KDM3B: variants seen among roughly 807,000 people sequenced by gnomAD.
KDM3B encodes lysine demethylase 3B.
Under a neutral mutation model 170.0 loss-of-function variants are expected in KDM3B, and 10 were observed. That is an observed-to-expected ratio of 0.06 (90% CI 0.04 to 0.10). The LOEUF (loss-of-function observed/expected upper bound fraction) is 0.10. Among genes scored for constraint, KDM3B ranks in the 10% least tolerant of loss-of-function variants. The pLI, the probability that KDM3B is intolerant of heterozygous loss-of-function variation, is 1.00. For missense variants in KDM3B, 1,394 were observed against 2,195.2 expected (o/e 0.64, Z 7.29); for synonymous variants, 831 against 834.8 (o/e 1.00, Z 0.08).
chr5:138,354,320 G>GGAA (rs1002110278), intron 1 of KDM3B, among the ~76,000 whole-genome samples: 4 of 152,138 alleles, frequency 2.6e-5, no homozygotes, highest in Non-Finnish European at 4.4e-5. Context: ...TTAAGGGGAT[G>GGAA]GAATGATGAT....
At position 138,424,269 on chromosome 5, in the gene KDM3B, G is replaced by C; in HGVS notation, c.4167G>C (p.Arg1389Ser). 1 of 1,614,094 alleles carries C rather than the reference G, an allele frequency of 6.2e-7. No individual in the cohort carries two copies. Among genetic ancestry groups the C allele is most frequent in the Non-Finnish European group, 8.5e-7 (1 of 1,179,962 alleles). The stretch of plus-strand genomic sequence containing the variant: ...CTCACTCCTGGCTTTGTGATGGGAG[G>C]CTTCTGTGTCTCCATGACCCCAGCA... ...HTSHSWLCDG[R>S]LLCLHDPSNK... Residue 1389 changes from arginine (R) to serine (S), a missense_variant, in exon 16 of 24, where the codon AGG (arginine) becomes AGC (serine). Around this residue, in one of 19 missense-constraint regions of KDM3B, gnomAD observed 66 missense variants for 178.8 expected, o/e 0.37. Coordinates refer to ENST00000314358, the MANE Select transcript of KDM3B (RefSeq NM_016604.4).
At chr5:138,387,159 G>A (rs1221803032) in intron 7 of KDM3B, among the ~76,000 whole-genome samples, 2 of 152,100 alleles carry the variant, frequency 1.3e-5, no homozygotes, top group Non-Finnish European at 2.9e-5. Flanking sequence ...CTGAAAATTT[G>A]ATGGATTTCA....
chr5:138,386,451 A>C lies in KDM3B; in HGVS notation c.1210A>C (p.Lys404Gln). ...CCCAGAGGTGGGTGGAGCCGAAAAC[A>C]AAGAGGCAGGAAAAACACTGGAACA... Reference protein sequence around the residue: ...LAPEVGGAENKEAGKTLEQVG... With the variant: ...LAPEVGGAENQEAGKTLEQVG... The change falls in exon 7 of 24, where the codon AAA (lysine) becomes CAA (glutamine). Residue 404 changes from lysine (K) to glutamine (Q), a missense_variant. Physicochemically the swap from Lys to Gln is moderately conservative, Grantham distance 53 (BLOSUM62 1). This residue lies in a region of KDM3B where 205 missense variants were observed against 227.6 expected (regional missense o/e 0.90). Coordinates refer to ENST00000314358, the MANE Select transcript of KDM3B (RefSeq NM_016604.4). 6.2e-7 allele frequency: 1 copy of C among 1,614,160 alleles called. No homozygotes were observed. Among genetic ancestry groups the C allele is most frequent in the Non-Finnish European group, 8.5e-7 (1 of 1,180,024 alleles).
chr5:138,434,504 C>T (rs1003954472), intron 23 of KDM3B, among the ~76,000 whole-genome samples: 14 of 150,742 alleles, frequency 9.3e-5, no homozygotes, highest in African/African-American at 2.4e-4. Flanking sequence ...GCTGAGATGG[C>T]GCCACTGCAC....
At chr5:138,357,917 C>T (rs1174163472) in intron 1 of KDM3B, among the ~76,000 whole-genome samples, 1 of 150,976 alleles carries the variant, frequency 6.6e-6, no homozygotes, top group East Asian at 2.0e-4. Context: ...GAACTCCTGA[C>T]CTCAGGTGAT....
At chr5:138,366,140 A>G (rs1761740630) in intron 1 of KDM3B, among the ~76,000 whole-genome samples, 1 of 151,958 alleles carries the variant, frequency 6.6e-6, no homozygotes, top group Non-Finnish European at 1.5e-5. Flanking sequence ...CCCTCACATA[A>G]TATATCTCAG....
At chr5:138,396,839 T>C (rs1762560004) in intron 9 of KDM3B, among the ~76,000 whole-genome samples, 2 of 152,164 alleles carry the variant, frequency 1.3e-5, no homozygotes, top group African/African-American at 4.8e-5. Flanking sequence ...GAAACTGTAT[T>C]GTGACTGTCA....
rs887098545 is a variant in KDM3B at position 138,391,411 on chromosome 5, G to A, written c.1779G>A (p.Val593=). 4 of 1,613,722 alleles carry A rather than the reference G, an allele frequency of 2.5e-6. No individual in the cohort carries two copies. The East Asian group carries it at 6.7e-5, about 27-fold the overall frequency. The change falls in exon 8 of 24, where the codon GTG becomes GTA. Residue 593 remains valine (V), a synonymous_variant. Transcript: ENST00000314358. This position sits in a 1 kb window ranked among gnomAD's most constrained non-coding sequence, Gnocchi z 5.0. The stretch of plus-strand genomic sequence containing the variant: ...CTGGCAGCTCTGTGGACCGGAAAGT[G>A]CCTGCAGAGTCCATGCCCACCCTCA... ...SKAGSSVDRK[V]PAESMPTLTP... is the part of the protein sequence containing the mutation.
intron 8 of KDM3B, among the ~76,000 whole-genome samples, chr5:138,392,895 A>G (rs1043470107): frequency 6.6e-6 from 1 of 152,234 alleles, no homozygotes; most frequent in African/African-American, 2.4e-5. Context: ...GGTGATGGCT[A>G]CATTCTGGCT....
At chr5:138,428,259 A>G (rs1763445217) in intron 20 of KDM3B, among the ~76,000 whole-genome samples, 173 bp downstream of exon 20, 3 of 150,260 alleles carry the variant, frequency 2.0e-5, no homozygotes. Context: ...CCCAGGCTAG[A>G]GTGCAGAGGT....
intron 6 of KDM3B, among the ~76,000 whole-genome samples, chr5:138,382,524 G>A (rs1291652319): frequency 6.6e-6 from 1 of 152,048 alleles, no homozygotes; most frequent in Non-Finnish European, 1.5e-5. Context: ...TCCTTCAGTT[G>A]ACCAGCTGTC....
chr5:138,385,060 T>C (rs4835783), intron 6 of KDM3B, among the ~76,000 whole-genome samples: 150,001 of 151,996 alleles, frequency 0.99, 74,058 homozygotes, highest in Middle Eastern at 1. Flanking sequence ...TCCCTCTTGT[T>C]GCCCAGGCTG....
intron 1 of KDM3B, among the ~76,000 whole-genome samples, chr5:138,366,316 T>G (rs1761743942): frequency 6.6e-6 from 1 of 152,050 alleles, no homozygotes; most frequent in Non-Finnish European, 1.5e-5. Context: ...CCCCCCATTG[T>G]CTTTCCTTTT....
intron 11 of KDM3B, among the ~76,000 whole-genome samples, chr5:138,401,893 T>C (rs1762703267): frequency 6.6e-6 from 1 of 152,090 alleles, no homozygotes; most frequent in African/African-American, 2.4e-5. Context: ...TATCTTTCCA[T>C]GTGCTTTTTT....
chr5:138,376,989 TA>T (rs1273417920), intron 3 of KDM3B, among the ~76,000 whole-genome samples: 1 of 152,220 alleles, frequency 6.6e-6, no homozygotes, highest in Non-Finnish European at 1.5e-5. Flanking sequence ...TTTACTGTCT[TA>T]CTGAGACAGA....
chr5:138,421,715 AAGG>A (rs1763277631), intron 15 of KDM3B, among the ~76,000 whole-genome samples: 1 of 152,142 alleles, frequency 6.6e-6, no homozygotes, highest in African/African-American at 2.4e-5. Flanking sequence ...AATAAAAGAA[AAGG>A]AGAAAAATAA....
intron 7 of KDM3B, among the ~76,000 whole-genome samples, chr5:138,388,489 G>A (rs1762340253): frequency 6.6e-6 from 1 of 151,998 alleles, no homozygotes; most frequent in East Asian, 1.9e-4. Flanking sequence ...AAAATTAGCT[G>A]GGCGTGGTGG....
chr5:138,427,094 A>G (rs1356142769), intron 18 of KDM3B, 29 bp downstream of exon 18: 3 of 1,610,854 alleles, frequency 1.9e-6, no homozygotes, highest in Middle Eastern at 1.6e-4. Context: ...TGTCATCTTC[A>G]GAAGCCATCA....
chr5:138,386,519 C>T lies in KDM3B; in HGVS notation c.1278C>T (p.Thr426=), dbSNP rs571685098. ...GIVASAAVVT[T]ASSTPNTVRI... is the part of the protein sequence containing the mutation. The stretch of plus-strand genomic sequence containing the variant: ...TGGCTTCCGCAGCTGTGGTCACTAC[C>T]GCCAGCTCCACCCCAAACACAGTGA... Residue 426 remains threonine, a synonymous_variant, in exon 7 of 24, where the codon ACC becomes ACT. Transcript: ENST00000314358. 3.4e-5 allele frequency: 55 copies of T among 1,614,162 alleles called. No individual in the cohort carries two copies. In the Admixed American group the frequency reaches 3.8e-4, roughly 11 times the overall value.
Sources: gnomAD v4.1 joint callset for allele counts (sites outside exome capture counted in the v4.1 genomes callset) on GRCh38, gnomAD v4.1.1 for gene constraint, gnomAD v4.1.1 regional missense constraint, Gnocchi (gnomAD v3.1) non-coding constraint, MANE v1.5 for transcripts, NCBI Gene and HGNC (gene_info 2026-07-23, HGNC 2026-07-21) for gene names.